The following BANK1 variants were observed in gnomAD, a reference collection of about 807,000 sequenced individuals.
BANK1 encodes B cell scaffold protein with ankyrin repeats 1.
Under a neutral mutation model 94.5 loss-of-function variants are expected in BANK1, and 95 were observed. That is an observed-to-expected ratio of 1.00 (90% CI 0.85 to 1.19). The LOEUF (loss-of-function observed/expected upper bound fraction) is 1.19. BANK1 is among the 50% of genes most tolerant of loss of function. The pLI is 0.00. For synonymous variants in BANK1, 334 were observed against 308.4 expected (o/e 1.08, Z -0.87); for missense variants, 987 against 932.2 (o/e 1.06, Z -0.77).
chr4:101,860,819 C>T (rs1259315657), intron 3 of BANK1, among the ~76,000 whole-genome samples: 1 of 152,096 alleles, frequency 6.6e-6, no homozygotes, highest in Non-Finnish European at 1.5e-5. Flanking sequence ...TGTGTACTAT[C>T]CAAATGTGGA....
chr4:101,934,074 A>G (rs1578406531), intron 7 of BANK1, among the ~76,000 whole-genome samples: 1 of 151,420 alleles, frequency 6.6e-6, no homozygotes, highest in South Asian at 2.1e-4. Context: ...TTCACAGGGT[A>G]TGAAGACAAA....
chr4:101,862,644 T>C lies in BANK1; in HGVS notation c.743T>C (p.Val248Ala). ...CGGCCAGCCCTTTGGAATAAGAAAG[T>C]CTGGTGCATGAAAGCTTTAGGTAAG... ...RTRPALWNKK[V>A]WCMKALEFPA... Residue 248 changes from valine (V) to alanine (A), a missense_variant, in exon 4 of 17, where the codon GTC becomes GCC. By Grantham distance (64) the Val-to-Ala change is moderately conservative. Transcript: ENST00000322953. The C allele has an allele frequency of 6.2e-7, 1 of 1,606,026 alleles. No homozygotes were observed. The highest frequency in any genetic ancestry group is 8.5e-7 in the Non-Finnish European group (1 of 1,176,808).
At chr4:102,042,861 G>A (rs1727747488) in intron 10 of BANK1, among the ~76,000 whole-genome samples, 1 of 151,914 alleles carries the variant, frequency 6.6e-6, no homozygotes, top group African/African-American at 2.4e-5. Flanking sequence ...TAATAGTTAT[G>A]GAGGGGAAGT....
At chr4:101,880,699 A>C (rs1728645894) in intron 5 of BANK1, among the ~76,000 whole-genome samples, 1 of 152,160 alleles carries the variant, frequency 6.6e-6, no homozygotes, top group South Asian at 2.1e-4. Context: ...AACAAAAAAC[A>C]GCATGATATT....
intron 5 of BANK1, among the ~76,000 whole-genome samples, chr4:101,872,638 C>T (rs2148881894): frequency 6.6e-6 from 1 of 152,230 alleles, no homozygotes; most frequent in African/African-American, 2.4e-5. Context: ...TCCTTCAGGG[C>T]ATTTGGTTTT....
chr4:102,000,341 A>G (rs974613150), intron 7 of BANK1, among the ~76,000 whole-genome samples: 3 of 151,720 alleles, frequency 2.0e-5, no homozygotes, highest in African/African-American at 7.3e-5. Flanking sequence ...AAAAAAAAAA[A>G]AAAAACAGTG....
rs72923420 is a variant in BANK1, at chr4:101,810,005, A to T, written c.70+19055A>T. ...ATAGGGAGATTATCATGGATTGTCCAGTTGGGCCCAATATAATCACAATGA... is the reference window on the plus strand; with the variant it reads ...ATAGGGAGATTATCATGGATTGTCCTGTTGGGCCCAATATAATCACAATGA... On this transcript the variant is annotated intron_variant, in intron 1 of 16. Coordinates refer to ENST00000322953, the MANE Select transcript of BANK1 (RefSeq NM_017935.5). Among the ~76,000 whole-genome samples, 1,439 of 152,258 alleles carry T rather than the reference A, an allele frequency of 9.5e-3. 28 individuals are homozygous for T. The highest frequency in any genetic ancestry group is 0.033 in the African/African-American group (1,370 of 41,548).
intron 10 of BANK1, 57 bp from the exon 11 acceptor site, chr4:102,043,782 G>A (rs1451581016): frequency 1.7e-6 from 2 of 1,162,720 alleles, no homozygotes; most frequent in East Asian, 2.4e-5. Flanking sequence ...GACTTCTACA[G>A]TATGGATTTT....
intron 1 of BANK1, among the ~76,000 whole-genome samples, chr4:101,804,413 A>G (rs1405706843): frequency 6.6e-6 from 1 of 152,184 alleles, no homozygotes; most frequent in Non-Finnish European, 1.5e-5. Flanking sequence ...TTACAGTACA[A>G]AGAGATGTCT....
In BANK1 at chr4:101,860,675, C is replaced by T. The variant is rs188327848; in HGVS notation, c.625-1851C>T. ...TGAACTCCTGACCTCAGGTGATCCA[C>T]CTGCCTCGGCCGCCCAAAGTGCTGG... On this transcript the variant is annotated intron_variant, in intron 3 of 16. Coordinates refer to ENST00000322953, the MANE Select transcript of BANK1 (RefSeq NM_017935.5). Among the ~76,000 whole-genome samples, 1,404 of 152,246 alleles carry T rather than the reference C, an allele frequency of 9.2e-3. 8 individuals are homozygous for T. Among genetic ancestry groups the T allele is most frequent in the Middle Eastern group, 0.027 (8 of 294 alleles).
chr4:101,990,184 T>C (rs1725654286), intron 7 of BANK1, among the ~76,000 whole-genome samples: 1 of 152,200 alleles, frequency 6.6e-6, no homozygotes, highest in African/African-American at 2.4e-5. Flanking sequence ...AGGTACTATT[T>C]GGATATACAA....
intron 7 of BANK1, among the ~76,000 whole-genome samples, chr4:101,961,983 A>T (rs1207976537): frequency 1.3e-5 from 2 of 152,190 alleles, no homozygotes; most frequent in Non-Finnish European, 2.9e-5. Context: ...CTGCCGTTTC[A>T]TTCTTCTAAT....
intron 10 of BANK1, among the ~76,000 whole-genome samples, chr4:102,031,975 T>C (rs1727333281): frequency 6.6e-6 from 1 of 152,192 alleles, no homozygotes; most frequent in African/African-American, 2.4e-5. Context: ...ATTAATCAAC[T>C]GTTTCAGCTG....
chr4:101,974,272 T>C (rs1196571797), intron 7 of BANK1, among the ~76,000 whole-genome samples: 1 of 152,134 alleles, frequency 6.6e-6, no homozygotes, highest in Non-Finnish European at 1.5e-5. Context: ...AGGGCAGCAT[T>C]TAGCTATTAG....
rs1560668219 is a variant in BANK1, at chr4:101,986,847, A to ATATATATGTATATATATGTG, written c.1207-34650_1207-34649insGTGTATATATGTATATATAT. Among the ~76,000 whole-genome samples, 19 of 53,138 alleles carry ATATATATGTATATATATGTG rather than the reference A, an allele frequency of 3.6e-4. 2 individuals are homozygous for ATATATATGTATATATATGTG. The highest frequency in any genetic ancestry group is 6.8e-4 in the Non-Finnish European group (17 of 25,138). The allele number at this position is 53,138 out of a possible 152,430, so 34.9% of individuals were successfully genotyped here. A position where few individuals can be genotyped will look rare whatever the true frequency, so the allele number is the denominator to read the frequency against. The stretch of plus-strand genomic sequence containing the variant: ...TGTATATATATGTATATATATGTGT[A>ATATATATGTATATATATGTG]TATATATGTATATATATATGTGTGT... On this transcript the variant is annotated intron_variant, in intron 7 of 16. Coordinates refer to ENST00000322953, the MANE Select transcript of BANK1 (RefSeq NM_017935.5).
chr4:101,986,893 G>GTATATATATA lies in BANK1; in HGVS notation c.1207-34620_1207-34619insATATATATAT, dbSNP rs1262079308. Among the ~76,000 whole-genome samples, 4 of 90,854 alleles carry GTATATATATA rather than the reference G, an allele frequency of 4.4e-5. 1 individual carries two copies. The highest frequency in any genetic ancestry group is 2.0e-4 in the African/African-American group (3 of 14,894). 59.6% of individuals were successfully genotyped at this position (90,854 alleles called of 152,430 possible). A position where few individuals can be genotyped will look rare whatever the true frequency, so the allele number is the denominator to read the frequency against. Reference sequence around the variant, plus strand: ...TGTGTATGTGTGTGTGTGTGTGTGTGTGTGTGTATATATATATATATATAT... The same window carrying GTATATATATA: ...TGTGTATGTGTGTGTGTGTGTGTGTGTATATATATATGTGTGTATATATATATATATATAT... On this transcript the variant is annotated intron_variant, in intron 7 of 16. Transcript: ENST00000322953.
intron 1 of BANK1, among the ~76,000 whole-genome samples, chr4:101,818,673 A>G (rs531275897): frequency 1.3e-5 from 2 of 152,106 alleles, no homozygotes; most frequent in Non-Finnish European, 2.9e-5. Flanking sequence ...ACTATAATAT[A>G]CTGTTACAGT....
chr4:102,024,031 T>C (rs1726999570), intron 8 of BANK1, among the ~76,000 whole-genome samples: 2 of 152,192 alleles, frequency 1.3e-5, no homozygotes, highest in South Asian at 4.1e-4. Context: ...AATTAAAGAA[T>C]CTTGGTTTAG....
chr4:101,957,959 C>T (rs1724423066), intron 7 of BANK1, among the ~76,000 whole-genome samples: 1 of 151,750 alleles, frequency 6.6e-6, no homozygotes, highest in Non-Finnish European at 1.5e-5. Context: ...ATTCTCCTGC[C>T]TCAGCCTCCC....
Sources: gnomAD v4.1 joint callset for allele counts (sites outside exome capture counted in the v4.1 genomes callset) on GRCh38, gnomAD v4.1.1 for gene constraint, MANE v1.5 for transcripts, NCBI Gene and HGNC (gene_info 2026-07-23, HGNC 2026-07-21) for gene names.